EYA1: variants seen among roughly 807,000 people sequenced by gnomAD.
The protein encoded by EYA1 is protein phosphatase EYA1.
In EYA1, 16 loss-of-function variants were observed where a neutral mutation model predicts 82.0. The observed-to-expected ratio is 0.20, with a 90% confidence interval of 0.13 to 0.30. The LOEUF is 0.30. Ranked by LOEUF, EYA1 falls within the 10% of genes least tolerant of loss-of-function variation. The pLI is 1.00. For synonymous variants in EYA1, 261 were observed against 264.4 expected, an observed-to-expected ratio of 0.99 and a Z score of 0.12; for missense variants, 633 against 730.7, an observed-to-expected ratio of 0.87 and a Z score of 1.54.
At chr8:71,321,704 A>G (rs749369989) in intron 6 of EYA1, 30 bp downstream of exon 6, 5 of 1,611,676 alleles carry the variant, frequency 3.1e-6, no homozygotes, top group Non-Finnish European at 4.2e-6. Flanking sequence ...CCATGCGATA[A>G]CGCCACCACT....
intron 9 of EYA1, among the ~76,000 whole-genome samples, chr8:71,273,317 C>T (rs1816768295): frequency 1.3e-5 from 2 of 152,308 alleles, no homozygotes; most frequent in African/African-American, 2.4e-5. Flanking sequence ...TCCAAATCAA[C>T]TCCACCCCAT....
At chr8:71,384,656 C>T (rs1026067426) in intron 2 of EYA1, among the ~76,000 whole-genome samples, 21 of 152,160 alleles carry the variant, frequency 1.4e-4, no homozygotes, top group African/African-American at 5.1e-4. Context: ...GTTGAATGAA[C>T]AAATGAATAA....
chr8:71,349,355 C>T (rs1826080047), intron 3 of EYA1, among the ~76,000 whole-genome samples: 1 of 152,200 alleles, frequency 6.6e-6, no homozygotes, highest in African/African-American at 2.4e-5. Flanking sequence ...GCAATGAAAG[C>T]ACCAATGTTT....
intron 2 of EYA1, among the ~76,000 whole-genome samples, chr8:71,422,919 T>C (rs1192166837): frequency 1.3e-5 from 2 of 152,118 alleles, no homozygotes; most frequent in Non-Finnish European, 2.9e-5. Context: ...CCAAACCATA[T>C]CACCTGCCTT....
At chr8:71,248,029 T>C (rs1476939732) in intron 11 of EYA1, among the ~76,000 whole-genome samples, 1 of 152,238 alleles carries the variant, frequency 6.6e-6, no homozygotes. Flanking sequence ...TACTCTATTG[T>C]TCGTTAATAT....
At chr8:71,516,594 T>G (rs1812995078) in intron 2 of EYA1, among the ~76,000 whole-genome samples, 1 of 152,128 alleles carries the variant, frequency 6.6e-6, no homozygotes, top group Non-Finnish European at 1.5e-5. Context: ...CAAATACAAA[T>G]TTGCACAGTA....
chr8:71,252,475 G>A (rs964963912), intron 11 of EYA1, among the ~76,000 whole-genome samples: 1 of 152,076 alleles, frequency 6.6e-6, no homozygotes, highest in African/African-American at 2.4e-5. Context: ...TCGATAGAAT[G>A]TTCATACAAT....
chr8:71,347,750 A>AT (rs1353396727), intron 3 of EYA1, among the ~76,000 whole-genome samples: 1 of 152,156 alleles, frequency 6.6e-6, no homozygotes, highest in African/African-American at 2.4e-5. Flanking sequence ...AGCATCATAG[A>AT]TTTTGACTCA....
chr8:71,508,624 G>T (rs1175929830), intron 2 of EYA1, among the ~76,000 whole-genome samples: 1 of 152,150 alleles, frequency 6.6e-6, no homozygotes, highest in African/African-American at 2.4e-5. Context: ...GGGGCCCAAG[G>T]TTGCTCATTG....
intron 11 of EYA1, among the ~76,000 whole-genome samples, chr8:71,248,031 C>T (rs144034535): frequency 5.5e-4 from 84 of 152,162 alleles, no homozygotes; most frequent in African/African-American, 1.9e-3. Context: ...CTCTATTGTT[C>T]GTTAATATAT....
In EYA1 at chr8:71,491,142, C is replaced by A. The variant is rs1190799582; in HGVS notation, c.33+44602G>T. Among the ~76,000 whole-genome samples the A allele has an allele frequency of 2.6e-5, 4 of 152,312 alleles. No individual in the cohort carries two copies. In the East Asian group the frequency reaches 7.7e-4, roughly 29 times the overall value. ...TAAAGCACGTATAGCTGAGGGGCATCTGCAAGGCCATATGGCTAATCGATG... is the reference window on the plus strand; with the variant it reads ...TAAAGCACGTATAGCTGAGGGGCATATGCAAGGCCATATGGCTAATCGATG... On this transcript the variant is annotated intron_variant, in intron 2 of 18. Transcript: ENST00000643681.
At chr8:71,435,886 T>C (rs534038585) in intron 2 of EYA1, among the ~76,000 whole-genome samples, 1 of 152,262 alleles carries the variant, frequency 6.6e-6, no homozygotes, top group South Asian at 2.1e-4. Context: ...TTGGTAATGT[T>C]TCTCCACTCC....
chr8:71,247,094 C>T (rs1047485071), intron 11 of EYA1, among the ~76,000 whole-genome samples: 3 of 151,854 alleles, frequency 2.0e-5, no homozygotes, highest in African/African-American at 7.3e-5. Flanking sequence ...CACATCCCTC[C>T]AGCACCTCCC....
chr8:71,321,996 C>G, intron 5 of EYA1, 117 bp from the exon 6 acceptor site: 2 of 1,405,574 alleles, frequency 1.4e-6, no homozygotes, highest in Admixed American at 1.7e-5. Flanking sequence ...GTAAAACTTT[C>G]ACACAGAATT....
At chr8:71,236,628 A>G (rs1372619038) in intron 12 of EYA1, among the ~76,000 whole-genome samples, 1 of 152,180 alleles carries the variant, frequency 6.6e-6, no homozygotes, top group Admixed American at 6.5e-5. Context: ...CCTGAGCTAG[A>G]ATCTGCCACT....
At chr8:71,241,626 T>C (rs995360970) in intron 12 of EYA1, among the ~76,000 whole-genome samples, 1 of 152,152 alleles carries the variant, frequency 6.6e-6, no homozygotes, top group Non-Finnish European at 1.5e-5. Flanking sequence ...CAAGAGACTA[T>C]TAAGCTCCTT....
chr8:71,452,151 C>A (rs572079607), intron 2 of EYA1, among the ~76,000 whole-genome samples: 1 of 152,326 alleles, frequency 6.6e-6, no homozygotes, highest in Non-Finnish European at 1.5e-5. Context: ...GGGTCCCACA[C>A]CCACAGAGCC....
At chr8:71,361,217 A>T (rs117198568) in intron 1 of EYA1, among the ~76,000 whole-genome samples, 6 of 152,284 alleles carry the variant, frequency 3.9e-5, no homozygotes, top group Non-Finnish European at 7.4e-5. Flanking sequence ...TTTCATATCA[A>T]AGTGTGTAAA....
intron 2 of EYA1, chr8:71,529,990 C>A (rs1015007426): frequency 6.6e-6 from 1 of 152,146 alleles, no homozygotes; most frequent in Non-Finnish European, 1.5e-5. Flanking sequence ...AGGCCTCACA[C>A]TCTTATTAGT....
Sources: gnomAD v4.1 joint callset for allele counts (sites outside exome capture counted in the v4.1 genomes callset) on GRCh38, gnomAD v4.1.1 for gene constraint, MANE v1.5 for transcripts, NCBI Gene and HGNC (gene_info 2026-07-23, HGNC 2026-07-21) for gene names.